Variants in PRAMEF27 observed in about 807,000 individuals in gnomAD.
The protein encoded by PRAMEF27 is PRAME family member 27.
In PRAMEF27, 5 loss-of-function variants were observed where a neutral mutation model predicts 21.0. The observed-to-expected ratio is 0.24, with a 90% CI of 0.12 to 0.50. The LOEUF is 0.50. PRAMEF27 is among the 20% of genes least tolerant of loss of function. The pLI is 0.98. For synonymous variants in PRAMEF27, 61 were observed against 211.2 expected, an observed-to-expected ratio of 0.29 and a Z score of 6.17; for missense variants, 138 against 541.4, an observed-to-expected ratio of 0.25 and a Z score of 7.39.
intron 1 of PRAMEF27, chr1:13,053,889 CACG>C: frequency 1.6e-6 from 1 of 642,854 alleles, no homozygotes; most frequent in Non-Finnish European, 2.3e-6. Flanking sequence ...GCAGGGTCAC[CACG>C]AGCCCTTCCT....
At position 13,052,359 on chromosome 1, in the gene PRAMEF27, C is replaced by A; in HGVS notation, c.634G>T (p.Val212Leu). 1 of 1,426,320 alleles carries A rather than the reference C, an allele frequency of 7.0e-7. No homozygotes were observed. The highest frequency in any genetic ancestry group is 9.1e-7 in the Non-Finnish European group (1 of 1,094,526). The allele number at this position is 1,426,320 out of a possible 1,614,324, so 88.4% of individuals were successfully genotyped here. The part of the protein sequence containing the change: ...KMVNLDCIQE[V>L]EVNCKWVLPI... ...AGTACCCACTTGCAATTCACTTCCA[C>A]CTCCTGGATACAGTCTAGGTTCACC... The change falls in exon 3 of 4, where the codon GTG (valine) becomes TTG (leucine). Residue 212 changes from valine to leucine, a missense_variant. Coordinates refer to ENST00000436041, the MANE Select transcript of PRAMEF27 (RefSeq NM_001300891.2).
chr1:13,053,731 T>C (rs1642229162), intron 1 of PRAMEF27, 56 bp from the exon 2 acceptor site: 1 of 1,559,522 alleles, frequency 6.4e-7, no homozygotes, highest in South Asian at 1.1e-5. Flanking sequence ...GCCCATGCAA[T>C]CTCATCTTCT....
rs1368257530 is a variant in PRAMEF27, at chr1:13,056,284, A to C, written c.-17+130T>G. On this transcript the variant is annotated intron_variant, in intron 1 of 3. Coordinates refer to ENST00000436041, the MANE Select transcript of PRAMEF27 (RefSeq NM_001300891.2). ...TTTAGAGGAAAAAATTCAAAGCTTC[A>C]AATTGTTCATATATATATATAAAAA... is the stretch of plus-strand genomic sequence containing the variant. The C allele has an allele frequency of 1.0e-4, 12 of 118,740 alleles. 1 individual carries two copies. The highest frequency in any genetic ancestry group is 2.8e-4 in the South Asian group (1 of 3,634). The allele number at this position is 118,740 out of a possible 1,614,324, so 7.4% of individuals were successfully genotyped here.
chr1:13,055,526 A>G (rs1642237508), intron 1 of PRAMEF27: 1 of 136,036 alleles, frequency 7.4e-6, no homozygotes, highest in Admixed American at 7.3e-5. Context: ...TCAGCCTTCC[A>G]CGTAGCTGGG....
chr1:13,056,005 G>A (rs1642243434), intron 1 of PRAMEF27: 1 of 120,662 alleles, frequency 8.3e-6, no homozygotes, highest in East Asian at 2.2e-4. Context: ...GCAGGGAGTT[G>A]AGATCGTGCC....
At chr1:13,056,174 G>T (rs1436623976) in intron 1 of PRAMEF27, 1 of 117,424 alleles carries the variant, frequency 8.5e-6, no homozygotes, top group Non-Finnish European at 1.6e-5. Flanking sequence ...GGGGTTAAAG[G>T]CGTGAGTCAC....
Position 13,049,832 on chromosome 1 carries a change from C to T in PRAMEF27, c.1413G>A (p.Leu471=). 1.4e-6 allele frequency: 2 copies of T among 1,406,308 alleles called. No homozygotes were observed. Among genetic ancestry groups the T allele is most frequent in the Non-Finnish European group, 1.9e-6 (2 of 1,076,080 alleles). The allele number at this position is 1,406,308 out of a possible 1,614,324, so 87.1% of individuals were successfully genotyped here. A position where few individuals can be genotyped will look rare whatever the true frequency, so the allele number is the denominator to read the frequency against. The change falls in exon 4 of 4, where the codon CTG becomes CTA. Residue 471 remains leucine (L), a synonymous_variant. Transcript: ENST00000436041. The part of the protein sequence containing the change: ...PDCGNRSFYD[L]EADQYCC ...TTCAACAGCAGTATTGATCTGCCTC[C>T]AGGTCATAAAATGACCTGTTGCCAC...
rs1322379943 is a variant in PRAMEF27 at position 13,050,567 on chromosome 1, C to T, written c.876-198G>A. 74 of 579,078 alleles carry T rather than the reference C, an allele frequency of 1.3e-4. 3 individuals are homozygous for T. The East Asian group carries it at 1.7e-3, about 13-fold the overall frequency. 35.9% of individuals were successfully genotyped at this position (579,078 alleles called of 1,614,324 possible). ...GGTCAATTCCACCTTAGAGCCGGCC[C>T]AGTAACTCACACCTGTAATCCCAGA... On this transcript the variant is annotated intron_variant, in intron 3 of 3. Transcript: ENST00000436041.
chr1:13,049,871 A>T lies in PRAMEF27; in HGVS notation c.1374T>A (p.Asp458Glu). 2.1e-6 allele frequency: 3 copies of T among 1,416,080 alleles called. 1 individual carries two copies. The highest frequency in any genetic ancestry group is 9.3e-7 in the Non-Finnish European group (1 of 1,080,112). 87.7% of individuals were successfully genotyped at this position (1,416,080 alleles called of 1,614,324 possible). A position where few individuals can be genotyped will look rare whatever the true frequency, so the allele number is the denominator to read the frequency against. ...ACCTGTTGCCACAGTCAGGGCAGTT[A>T]TCAATACAGAAAAAGATCCTCTTGG... is the stretch of plus-strand genomic sequence containing the variant. ...RHPKRIFFCI[D>E]NCPDCGNRSF... is the part of the protein sequence containing the mutation. Residue 458 changes from aspartate to glutamate, a missense_variant, in exon 4 of 4, where the codon GAT (aspartate) becomes GAA (glutamate). Asp to Glu is a conservative substitution (Grantham distance 45). Transcript: ENST00000436041.
At chr1:13,050,697 A>T (rs1642193118) in intron 3 of PRAMEF27, 1 of 491,846 alleles carries the variant, frequency 2.0e-6, no homozygotes, top group East Asian at 3.9e-5. Flanking sequence ...AAAATTAGCC[A>T]GGTGTGGTGG....
At chr1:13,053,845 G>T in intron 1 of PRAMEF27, 170 bp from the exon 2 acceptor site, 1 of 969,004 alleles carries the variant, frequency 1.0e-6, no homozygotes, top group Non-Finnish European at 1.4e-6. Context: ...TGCCTCTGCT[G>T]CATCAGCATG....
chr1:13,049,929 T>C lies in PRAMEF27; in HGVS notation c.1316A>G (p.Glu439Gly). Residue 439 changes from glutamate (E) to glycine (G), a missense_variant, in exon 4 of 4, where the codon GAG becomes GGG. Transcript: ENST00000436041. ...TAAGTCCCTCACTCTGTTCATCAGCTCAGCCCTAATTTGAGCAAATCTGTT... is the reference window on the plus strand; with the variant it reads ...TAAGTCCCTCACTCTGTTCATCAGCCCAGCCCTAATTTGAGCAAATCTGTT... ...CWNRFAQIRA[E>G]LMNRVRDLRH... 7.0e-7 allele frequency: 1 copy of C among 1,419,600 alleles called. No homozygotes were observed. Among genetic ancestry groups the C allele is most frequent in the South Asian group, 1.4e-5 (1 of 72,534 alleles). 87.9% of individuals were successfully genotyped at this position (1,419,600 alleles called of 1,614,324 possible).
Position 13,049,955 on chromosome 1 carries a change from C to G in PRAMEF27, c.1290G>C (p.Trp430Cys), listed in dbSNP as rs2100232351. The change falls in exon 4 of 4, where the codon TGG becomes TGC. Residue 430 changes from tryptophan to cysteine, a missense_variant. Trp to Cys is a radical substitution (Grantham distance 215). Transcript: ENST00000436041. ...CAGCCCTAATTTGAGCAAATCTGTT[C>G]CAGCAGAGAGTACCATCAGCACCAT... ...ESYGADGTLC[W>C]NRFAQIRAEL... 4.9e-6 allele frequency: 7 copies of G among 1,420,568 alleles called. 2 individuals are homozygous for G. The highest frequency in any genetic ancestry group is 3.8e-5 in the Admixed American group (2 of 52,018). 88.0% of individuals were successfully genotyped at this position (1,420,568 alleles called of 1,614,324 possible).
chr1:13,056,020 C>T (rs1369164054), intron 1 of PRAMEF27: 1 of 119,402 alleles, frequency 8.4e-6, no homozygotes, highest in Non-Finnish European at 1.6e-5. Flanking sequence ...CGTGCCACTG[C>T]ACTCCAGTCT....
At position 13,049,812 on chromosome 1, in the gene PRAMEF27, C is replaced by T. The variant is rs1642182988; in HGVS notation, c.1433G>A (p.Cys478Tyr). Residue 478 changes from cysteine to tyrosine, a missense_variant, in exon 4 of 4, where the codon TGT becomes TAT. Cys to Tyr is a radical substitution (Grantham distance 194). Transcript: ENST00000436041. ...FYDLEADQYC[C>Y] ...CCCATCCAAATAGGCAGGCATTCAA[C>T]AGCAGTATTGATCTGCCTCCAGGTC... The T allele has an allele frequency of 1.4e-6, 2 of 1,397,820 alleles. 1 individual carries two copies. The allele number at this position is 1,397,820 out of a possible 1,614,324, so 86.6% of individuals were successfully genotyped here.
intron 2 of PRAMEF27, 47 bp downstream of exon 2, chr1:13,053,320 A>C: frequency 1.4e-6 from 2 of 1,479,056 alleles, no homozygotes; most frequent in Non-Finnish European, 1.8e-6. Context: ...CTGTTCCTTC[A>C]GTTGGACACC....
chr1:13,055,624 T>C (rs1642238874), intron 1 of PRAMEF27: 1 of 151,164 alleles, frequency 6.6e-6, no homozygotes, highest in Admixed American at 6.6e-5. Flanking sequence ...AGATCCTTTT[T>C]GATTGATTTT....
intron 3 of PRAMEF27, chr1:13,051,903 C>T: frequency 1.6e-6 from 1 of 635,506 alleles, no homozygotes. Context: ...GACAACCTCT[C>T]TATAGCATCT....
At chr1:13,050,539 C>A (rs1183574928) in intron 3 of PRAMEF27, 170 bp from the exon 4 acceptor site, 4 of 1,051,366 alleles carry the variant, frequency 3.8e-6, no homozygotes, top group African/African-American at 5.0e-5. Context: ...GCTTTGCCAC[C>A]GAGGTCAATT....
Sources: gnomAD v4.1 joint callset for allele counts on GRCh38, gnomAD v4.1.1 for gene constraint, MANE v1.5 for transcripts, NCBI Gene and HGNC (gene_info 2026-07-23, HGNC 2026-07-21) for gene names.